Variants in ADGRL3 observed in about 807,000 individuals in gnomAD.
ADGRL3 encodes calcium-independent alpha-latrotoxin receptor 3.
A neutral mutation model predicts 153.5 loss-of-function variants in ADGRL3; 62 were observed. That is an observed-to-expected ratio of 0.40 (90% CI 0.33 to 0.50). The LOEUF is 0.50. Among genes scored for constraint, ADGRL3 ranks in the 20% least tolerant of loss-of-function variants. The pLI, the probability that ADGRL3 is intolerant of heterozygous loss-of-function variation, is 0.47. For missense variants in ADGRL3, 1,641 were observed against 1,859.4 expected, an observed-to-expected ratio of 0.88 and a Z score of 2.16; for synonymous variants, 710 against 672.5, an observed-to-expected ratio of 1.06 and a Z score of -0.86.
chr4:61,339,133 A>G (rs566709511), intron 1 of ADGRL3, among the ~76,000 whole-genome samples: 1 of 152,280 alleles, frequency 6.6e-6, no homozygotes, highest in East Asian at 1.9e-4. Context: ...AGTCTTTTCT[A>G]ATCTTTGACC....
At chr4:61,464,881 G>C (rs936089829) in intron 2 of ADGRL3, among the ~76,000 whole-genome samples, 3 of 152,130 alleles carry the variant, frequency 2.0e-5, no homozygotes, top group South Asian at 4.1e-4. Flanking sequence ...TTGCCTGAAT[G>C]CTTCTGGCAA....
At chr4:61,580,646 G>A (rs992642042) in intron 4 of ADGRL3, among the ~76,000 whole-genome samples, 4 of 152,012 alleles carry the variant, frequency 2.6e-5, no homozygotes, top group African/African-American at 9.7e-5. Flanking sequence ...TTCTCATGGG[G>A]TTGCAGTTGC....
Position 61,819,166 on chromosome 4 carries a change from A to G in ADGRL3, c.1480+5277A>G, listed in dbSNP as rs566433902. ...AAAATGTACATACATCTCTATATCTATCTGCTCATCTGTTGACAAGGGACA... is the reference window on the plus strand; with the variant it reads ...AAAATGTACATACATCTCTATATCTGTCTGCTCATCTGTTGACAAGGGACA... On this transcript the variant is annotated intron_variant, in intron 9 of 26. Coordinates refer to ENST00000683033, the MANE Select transcript of ADGRL3 (RefSeq NM_001387552.1). 2.6e-5 allele frequency among the ~76,000 whole-genome samples: 4 copies of G among 152,282 alleles called. No homozygotes were observed. The East Asian group carries it at 5.8e-4, about 22-fold the overall frequency.
chr4:61,964,495 A>C (rs887620565), intron 17 of ADGRL3, among the ~76,000 whole-genome samples: 1 of 152,102 alleles, frequency 6.6e-6, no homozygotes. Flanking sequence ...CCTTGGGTTT[A>C]GAAGTGACAG....
chr4:61,522,933 C>T (rs2098539464), intron 4 of ADGRL3, among the ~76,000 whole-genome samples: 1 of 152,070 alleles, frequency 6.6e-6, no homozygotes, highest in African/African-American at 2.4e-5. Flanking sequence ...TTCAACTCAG[C>T]TTAAACATTT....
chr4:61,749,568 A>T, intron 8 of ADGRL3, among the ~76,000 whole-genome samples: 1 of 152,214 alleles, frequency 6.6e-6, no homozygotes, highest in Non-Finnish European at 1.5e-5. Flanking sequence ...AGGGACATGG[A>T]TGAAATTGGA....
At chr4:61,583,104 ATATT>A (rs2149306693) in intron 4 of ADGRL3, among the ~76,000 whole-genome samples, 1 of 152,124 alleles carries the variant, frequency 6.6e-6, no homozygotes, top group South Asian at 2.1e-4. Context: ...CTCTTAGACT[ATATT>A]TAGTCTTTTA....
At chr4:61,934,488 A>G (rs1394641940) in intron 13 of ADGRL3, among the ~76,000 whole-genome samples, 2 of 152,186 alleles carry the variant, frequency 1.3e-5, no homozygotes, top group Non-Finnish European at 2.9e-5. Context: ...GTCATGTGGT[A>G]AAACTCTTGG....
chr4:61,278,161 A>G (rs1293246258), intron 1 of ADGRL3, among the ~76,000 whole-genome samples: 1 of 152,192 alleles, frequency 6.6e-6, no homozygotes, highest in African/African-American at 2.4e-5. Flanking sequence ...GAAAAAACCT[A>G]TTATAACTGG....
intron 18 of ADGRL3, among the ~76,000 whole-genome samples, chr4:61,981,952 A>G (rs995301601): frequency 2.0e-5 from 3 of 152,180 alleles, no homozygotes; most frequent in African/African-American, 7.2e-5. Context: ...TTCCCCATAA[A>G]TGCATACCTA....
rs1008333410 is a variant in ADGRL3, at chr4:61,468,614, T to C, written c.-173-28507T>C. Among the ~76,000 whole-genome samples, 6 of 152,148 alleles carry C rather than the reference T, an allele frequency of 3.9e-5. No homozygotes were observed. The East Asian group carries it at 9.6e-4, about 24-fold the overall frequency. ...ATCTTATGAATGTGTATGTTACAAATAGTGGAGAGACAGAACTGAGAGTCT... is the reference window on the plus strand; with the variant it reads ...ATCTTATGAATGTGTATGTTACAAACAGTGGAGAGACAGAACTGAGAGTCT... On this transcript the variant is annotated intron_variant, in intron 2 of 26. Coordinates refer to ENST00000683033, the MANE Select transcript of ADGRL3 (RefSeq NM_001387552.1).
Position 61,757,670 on chromosome 4 carries a change from A to AT in ADGRL3, c.1399+24117dup, listed in dbSNP as rs1195934137. Among the ~76,000 whole-genome samples, 5 of 152,050 alleles carry AT rather than the reference A, an allele frequency of 3.3e-5. No individual in the cohort carries two copies. In the East Asian group the frequency reaches 9.6e-4, roughly 29 times the overall value. ...TTTCTTGCCTTCTACTAGCTTTTGA[A>AT]TGTGTTTGCTCTTGCTTCTCTAGTT... On this transcript the variant is annotated intron_variant, in intron 8 of 26. Transcript: ENST00000683033.
intron 2 of ADGRL3, among the ~76,000 whole-genome samples, chr4:61,390,851 G>A (rs6856789): frequency 0.17 from 25,119 of 152,042 alleles, 5,072 homozygotes; most frequent in African/African-American, 0.47. Flanking sequence ...CTAACTCCCC[G>A]GCAGCCACTG....
chr4:61,767,757 T>C (rs578238684), intron 8 of ADGRL3, among the ~76,000 whole-genome samples: 12 of 152,158 alleles, frequency 7.9e-5, no homozygotes, highest in Admixed American at 2.0e-4. Flanking sequence ...GTGTAGCAAG[T>C]TCCTGGGGGA....
At chr4:62,052,552 GT>G (rs1361687351) in intron 25 of ADGRL3, among the ~76,000 whole-genome samples, 1 of 151,354 alleles carries the variant, frequency 6.6e-6, no homozygotes, top group Non-Finnish European at 1.5e-5. Context: ...TATAGAATAT[GT>G]TGAATTATTA....
chr4:61,355,434 C>T (rs568392366), intron 1 of ADGRL3, among the ~76,000 whole-genome samples: 9 of 152,108 alleles, frequency 5.9e-5, no homozygotes, highest in Non-Finnish European at 7.4e-5. Context: ...ATTCACTTCA[C>T]GGAGATAGTT....
At chr4:61,986,989 G>C (rs938709794) in intron 19 of ADGRL3, among the ~76,000 whole-genome samples, 15 of 152,192 alleles carry the variant, frequency 9.9e-5, no homozygotes, top group Middle Eastern at 3.4e-3. Flanking sequence ...AGACATCACA[G>C]TGAAAATATG....
intron 1 of ADGRL3, among the ~76,000 whole-genome samples, chr4:61,373,750 A>G (rs546800253): frequency 5.2e-4 from 79 of 152,278 alleles, no homozygotes; most frequent in African/African-American, 1.6e-3. Context: ...TGCAACATCC[A>G]TTATTTTTAA....
intron 3 of ADGRL3, among the ~76,000 whole-genome samples, chr4:61,505,331 G>A (rs2098420468): frequency 6.6e-6 from 1 of 152,018 alleles, no homozygotes; most frequent in Non-Finnish European, 1.5e-5. Context: ...ACCCTTGTCA[G>A]ATGATAGTTT....
Sources: gnomAD v4.1 joint callset for allele counts (sites outside exome capture counted in the v4.1 genomes callset) on GRCh38, gnomAD v4.1.1 for gene constraint, MANE v1.5 for transcripts, NCBI Gene and HGNC (gene_info 2026-07-23, HGNC 2026-07-21) for gene names.